CTNNA3: variants seen among roughly 807,000 people sequenced by gnomAD.
The protein encoded by CTNNA3 is catenin alpha-3.
Under a neutral mutation model 95.7 loss-of-function variants are expected in CTNNA3, and 76 were observed. The observed-to-expected ratio is 0.79, with a 90% confidence interval of 0.66 to 0.96. CTNNA3 has a LOEUF of 0.96. Ranked by LOEUF, CTNNA3 falls within the 40% of genes least tolerant of loss-of-function variation. The pLI, the probability that CTNNA3 is intolerant of heterozygous loss-of-function variation, is 0.00. For missense variants in CTNNA3, 1,191 were observed against 1,089.8 expected (o/e 1.09, Z -1.31); for synonymous variants, 431 against 374.4 (o/e 1.15, Z -1.74).
At chr10:67,151,950 T>C (rs10997532) in intron 7 of CTNNA3, among the ~76,000 whole-genome samples, 97,729 of 152,088 alleles carry the variant, frequency 0.64, 32,455 homozygotes, top group African/African-American at 0.82. Context: ...AGTTTCCCCC[T>C]ATTCTGCCCT....
intron 1 of CTNNA3, among the ~76,000 whole-genome samples, chr10:67,731,301 T>A (rs1841272355): frequency 6.6e-6 from 1 of 151,796 alleles, no homozygotes; most frequent in Non-Finnish European, 1.5e-5. Context: ...AAGGATCACC[T>A]GAGGTCAGGA....
At chr10:66,073,788 T>C (rs775605279) in intron 14 of CTNNA3, among the ~76,000 whole-genome samples, 2 of 152,076 alleles carry the variant, frequency 1.3e-5, no homozygotes, top group Non-Finnish European at 2.9e-5. Flanking sequence ...TCATCTAATC[T>C]CCTTATCTTT....
chr10:66,405,523 T>A (rs2093050499), intron 11 of CTNNA3, among the ~76,000 whole-genome samples: 1 of 152,150 alleles, frequency 6.6e-6, no homozygotes, highest in Non-Finnish European at 1.5e-5. Context: ...CCCCCATCAT[T>A]GCCATTTGCA....
At chr10:66,864,612 T>C (rs1054842726) in intron 7 of CTNNA3, among the ~76,000 whole-genome samples, 1 of 152,198 alleles carries the variant, frequency 6.6e-6, no homozygotes, top group African/African-American at 2.4e-5. Context: ...AACTTGAAAT[T>C]TGACTCTAGC....
intron 15 of CTNNA3, among the ~76,000 whole-genome samples, chr10:66,021,812 T>C (rs2079216521): frequency 6.8e-6 from 1 of 147,722 alleles, no homozygotes; most frequent in South Asian, 2.2e-4. Flanking sequence ...ATATCTTTTT[T>C]CCCCAGAATA....
chr10:67,262,651 C>T (rs977975557), intron 5 of CTNNA3, among the ~76,000 whole-genome samples: 2 of 152,114 alleles, frequency 1.3e-5, no homozygotes, highest in Non-Finnish European at 1.5e-5. Flanking sequence ...CTCATACTCC[C>T]TCTGTGATTT....
At chr10:67,278,534 TG>T (rs1238383151) in intron 5 of CTNNA3, among the ~76,000 whole-genome samples, 3 of 152,282 alleles carry the variant, frequency 2.0e-5, no homozygotes, top group African/African-American at 7.2e-5. Context: ...GGAAGGGAAA[TG>T]TTCAGGTTAA....
chr10:67,580,092 C>T (rs1343784983), intron 3 of CTNNA3, among the ~76,000 whole-genome samples: 1 of 152,058 alleles, frequency 6.6e-6, no homozygotes, highest in East Asian at 1.9e-4. Context: ...GCTTTTGTTG[C>T]CATTGCTTTT....
At chr10:66,748,592 T>C (rs1838983041) in intron 9 of CTNNA3, among the ~76,000 whole-genome samples, 1 of 152,204 alleles carries the variant, frequency 6.6e-6, no homozygotes, top group Admixed American at 6.5e-5. Context: ...AAATGGGACA[T>C]TGTCTCAGCA....
At chr10:67,564,540 G>A (rs1010745547) in intron 3 of CTNNA3, among the ~76,000 whole-genome samples, 1 of 144,252 alleles carries the variant, frequency 6.9e-6, no homozygotes, top group African/African-American at 2.6e-5. Context: ...TATACCTAAT[G>A]TGAATGATGA....
intron 4 of CTNNA3, among the ~76,000 whole-genome samples, chr10:67,529,548 T>C (rs907962958): frequency 6.7e-6 from 1 of 150,158 alleles, no homozygotes; most frequent in Non-Finnish European, 1.5e-5. Context: ...TGCTAAATGA[T>C]GAGTTAATGG....
chr10:66,059,857 T>A (rs190923713), intron 15 of CTNNA3, among the ~76,000 whole-genome samples: 1 of 152,232 alleles, frequency 6.6e-6, no homozygotes, highest in East Asian at 1.9e-4. Flanking sequence ...TTGGCATATC[T>A]TTGAATAAAT....
intron 10 of CTNNA3, among the ~76,000 whole-genome samples, chr10:66,550,816 T>A (rs1589411759): frequency 1.3e-5 from 2 of 151,670 alleles, no homozygotes; most frequent in Middle Eastern, 6.8e-3. Context: ...AATCTCTGAT[T>A]TTTTTTTCAG....
At chr10:66,273,778 A>T (rs1472646464) in intron 13 of CTNNA3, among the ~76,000 whole-genome samples, 5 of 152,148 alleles carry the variant, frequency 3.3e-5, no homozygotes. Context: ...AAAACAAAAA[A>T]ACAAGAGTTT....
At chr10:66,523,849 C>T (rs1169488276) in intron 10 of CTNNA3, among the ~76,000 whole-genome samples, 1 of 152,042 alleles carries the variant, frequency 6.6e-6, no homozygotes, top group African/African-American at 2.4e-5. Flanking sequence ...AGTGATCATG[C>T]CCCCCACTTG....
intron 17 of CTNNA3, among the ~76,000 whole-genome samples, chr10:65,936,496 T>C (rs2077340992): frequency 6.6e-6 from 1 of 152,116 alleles, no homozygotes; most frequent in Non-Finnish European, 1.5e-5. Context: ...TGTTGGACAG[T>C]GTCTACAACT....
chr10:67,726,643 T>A (rs1242068157), intron 1 of CTNNA3, among the ~76,000 whole-genome samples: 1 of 82,682 alleles, frequency 1.2e-5, no homozygotes, highest in African/African-American at 4.9e-5. Context: ...ATATATAATA[T>A]ATACTATAAT....
intron 13 of CTNNA3, among the ~76,000 whole-genome samples, chr10:66,244,906 A>C (rs148002399): frequency 6.6e-6 from 1 of 152,326 alleles, no homozygotes; most frequent in African/African-American, 2.4e-5. Flanking sequence ...ACCAGAGACC[A>C]ATCCTGGAGA....
intron 7 of CTNNA3, among the ~76,000 whole-genome samples, chr10:66,979,462 T>C (rs1196651257): frequency 2.0e-5 from 3 of 152,178 alleles, no homozygotes; most frequent in Non-Finnish European, 4.4e-5. Context: ...TGTAAGAGTT[T>C]CTGGCATAAA....
Sources: allele counts gnomAD v4.1 joint callset (sites outside exome capture counted in the v4.1 genomes callset), GRCh38; gene constraint gnomAD v4.1.1; transcripts MANE v1.5; gene names NCBI Gene and HGNC (gene_info 2026-07-23, HGNC 2026-07-21).